The following HMCN2 variants were observed in gnomAD, a reference collection of about 807,000 sequenced individuals.
HMCN2 encodes hemicentin 2.
Under a neutral mutation model 377.5 loss-of-function variants are expected in HMCN2, and 325 were observed. The ratio of observed to expected loss-of-function variants is 0.86; its 90% CI spans 0.79 to 0.94. HMCN2 has a LOEUF of 0.94. Among genes scored for constraint, HMCN2 ranks in the 40% least tolerant of loss-of-function variants. HMCN2 has a pLI of 0.00. For missense variants in HMCN2, 4,543 were observed against 4,725.3 expected (o/e 0.96, Z 1.13); for synonymous variants, 2,007 against 2,046.8 (o/e 0.98, Z 0.53).
rs544007401 is a variant in HMCN2, at chr9:130,364,833, C to T, written c.6352C>T (p.Arg2118Trp). 12 of 986,024 alleles carry T rather than the reference C, an allele frequency of 1.2e-5. No homozygotes were observed. The Middle Eastern group carries it at 1.6e-3, about 129-fold the overall frequency. 61.1% of individuals were successfully genotyped at this position (986,024 alleles called of 1,614,324 possible). ...PPVLSWWKDG[R>W]PLEPRPGVHL... The stretch of plus-strand genomic sequence containing the variant: ...TGTGCTGAGCTGGTGGAAGGACGGG[C>T]GGCCCCTGGAACCACGGCCTGGAGT... Residue 2118 changes from arginine to tryptophan, a missense_variant, in exon 41 of 98, where the codon CGG becomes TGG. Transcript: ENST00000683500.
In HMCN2 at chr9:130,431,439, T is replaced by C; in HGVS notation, c.14720T>C (p.Leu4907Pro). 1 of 1,550,224 alleles carries C rather than the reference T, an allele frequency of 6.5e-7. No homozygotes were observed. Among genetic ancestry groups the C allele is most frequent in the South Asian group, 1.2e-5 (1 of 84,054 alleles). ...AACACTGAGGGCAGCTACCAGTGCC[T>C]GTGCCCCGCCGGCTACCGTCTGCTC... ...CRNTEGSYQCLCPAGYRLLPS... is the reference protein window; with the variant it reads ...CRNTEGSYQCPCPAGYRLLPS... The change falls in exon 96 of 98, where the codon CTG becomes CCG. Residue 4907 changes from leucine (L) to proline (P), a missense_variant. Transcript: ENST00000683500.
rs1554936164 is a variant in HMCN2 at position 130,304,969 on chromosome 9, G to A, written c.1783G>A (p.Val595Ile). Residue 595 changes from valine (V) to isoleucine (I), a missense_variant, in exon 11 of 98, where the codon GTC becomes ATC. Physicochemically the swap from Val to Ile is conservative, Grantham distance 29 (BLOSUM62 3). Coordinates refer to ENST00000683500, the MANE Select transcript of HMCN2 (RefSeq NM_001291815.2). The surrounding 1 kb of genome is among the most constrained non-coding windows in gnomAD (Gnocchi z 4.3). ...YQCVASNANG[V>I]TRASVWLLVR... The stretch of plus-strand genomic sequence containing the variant: ...GTGTGTGGCCAGCAATGCCAATGGG[G>A]TCACAAGGGCATCCGTCTGGCTCCT... The A allele has an allele frequency of 2.1e-6, 1 of 471,072 alleles. No individual in the cohort carries two copies. Among genetic ancestry groups the A allele is most frequent in the Non-Finnish European group, 4.4e-6 (1 of 226,998 alleles). 29.2% of individuals were successfully genotyped at this position (471,072 alleles called of 1,614,324 possible).
At position 130,423,963 on chromosome 9, in the gene HMCN2, T is replaced by C. The variant is rs1807991018; in HGVS notation, c.13382-813T>C. 6.6e-6 allele frequency among the ~76,000 whole-genome samples: 1 copy of C among 151,864 alleles called. No individual in the cohort carries two copies. The highest frequency in any genetic ancestry group is 6.6e-5 in the Admixed American group (1 of 15,228). On this transcript the variant is annotated intron_variant, in intron 87 of 97. Coordinates refer to ENST00000683500, the MANE Select transcript of HMCN2 (RefSeq NM_001291815.2). This position sits in a 1 kb window ranked among gnomAD's most constrained non-coding sequence, Gnocchi z 5.5. The stretch of plus-strand genomic sequence containing the variant: ...TGAACTGAGTTAAATATCAACAAGG[T>C]ACATGCATTTATTTCTTCTTTTTTT...
chr9:130,277,943 T>C (rs1390455733), intron 1 of HMCN2, among the ~76,000 whole-genome samples: 85 of 6,774 alleles, frequency 0.013, 9 homozygotes, highest in East Asian at 0.029. Context: ...ACCACCACCA[T>C]CATCATCATC....
intron 11 of HMCN2, among the ~76,000 whole-genome samples, 180 bp from the exon 12 acceptor site, chr9:130,305,949 G>T (rs528797056): frequency 2.6e-5 from 4 of 152,288 alleles, no homozygotes; most frequent in South Asian, 2.1e-4. Flanking sequence ...CTCAGGGGCC[G>T]CCTGGTCTAC....
intron 86 of HMCN2, among the ~76,000 whole-genome samples, chr9:130,420,695 T>G (rs1162205255): frequency 2.0e-5 from 3 of 152,032 alleles, no homozygotes; most frequent in Non-Finnish European, 4.4e-5. Context: ...ACCTCTGCCT[T>G]CATCTTCCCT....
chr9:130,356,206 G>A lies in HMCN2; in HGVS notation c.5374G>A (p.Ala1792Thr), dbSNP rs772179014. 175 of 1,303,138 alleles carry A rather than the reference G, an allele frequency of 1.3e-4. No homozygotes were observed. Among genetic ancestry groups the A allele is most frequent in the Non-Finnish European group, 1.7e-4 (170 of 988,896 alleles). The allele number at this position is 1,303,138 out of a possible 1,614,324, so 80.7% of individuals were successfully genotyped here. ...LDHSGLFACQ[A>T]TNEAGTAGAE... ...CCACTCAGGCCTCTTCGCCTGCCAGGCCACCAATGAGGCGGGCACTGCCGG... is the reference window on the plus strand; with the variant it reads ...CCACTCAGGCCTCTTCGCCTGCCAGACCACCAATGAGGCGGGCACTGCCGG... Residue 1792 changes from alanine (A) to threonine (T), a missense_variant, in exon 34 of 98, where the codon GCC (alanine) becomes ACC (threonine). Around this residue, in one of 5 missense-constraint regions of HMCN2, gnomAD observed 1,032 missense variants for 1,285.1 expected, o/e 0.80. Coordinates refer to ENST00000683500, the MANE Select transcript of HMCN2 (RefSeq NM_001291815.2).
rs1326374202 is a variant in HMCN2 at position 130,342,333 on chromosome 9, A to G, written c.3743-17A>G. ...TTGGGCCCGAGGTAGGAGTGTGGCC[A>G]TGTTGCCTCCCTACAGAGCCACCAC... On this transcript the variant is annotated splice_polypyrimidine_tract_variant and intron_variant, in intron 24 of 97. Coordinates refer to ENST00000683500, the MANE Select transcript of HMCN2 (RefSeq NM_001291815.2). The G allele has an allele frequency of 2.0e-5, 3 of 152,238 alleles. No homozygotes were observed. The highest frequency in any genetic ancestry group is 6.5e-5 in the Admixed American group (1 of 15,282). The allele number at this position is 152,238 out of a possible 1,614,324, so 9.4% of individuals were successfully genotyped here.
chr9:130,394,091 G>A lies in HMCN2; in HGVS notation c.10501+83G>A, dbSNP rs1842477147. The stretch of plus-strand genomic sequence containing the variant: ...AGGGGCAATGGGAAGGACAGTGAGG[G>A]AGGTGAGTCCCCTGGAGACCTGGGA... On this transcript the variant is annotated intron_variant, in intron 68 of 97. Transcript: ENST00000683500. The surrounding 1 kb of genome is among the most constrained non-coding windows in gnomAD (Gnocchi z 5.1). 2 of 1,158,260 alleles carry A rather than the reference G, an allele frequency of 1.7e-6. No individual in the cohort carries two copies. Among genetic ancestry groups the A allele is most frequent in the South Asian group, 3.1e-5 (2 of 64,140 alleles). 71.7% of individuals were successfully genotyped at this position (1,158,260 alleles called of 1,614,324 possible).
At chr9:130,288,900 G>A (rs1028917085) in intron 4 of HMCN2, among the ~76,000 whole-genome samples, 1 of 152,172 alleles carries the variant, frequency 6.6e-6, no homozygotes, top group East Asian at 1.9e-4. Flanking sequence ...AACAGACAGG[G>A]GATCATGTCA....
At chr9:130,311,378 G>A (rs1416971746) in intron 15 of HMCN2, among the ~76,000 whole-genome samples, 2 of 152,192 alleles carry the variant, frequency 1.3e-5, no homozygotes, top group African/African-American at 4.8e-5. Flanking sequence ...CAGGCTTGGG[G>A]TGCTCTTAGC....
At chr9:130,432,128 C>G (rs949825958) in intron 96 of HMCN2, among the ~76,000 whole-genome samples, 1 of 152,200 alleles carries the variant, frequency 6.6e-6, no homozygotes, top group South Asian at 2.1e-4. Flanking sequence ...TCTGGGTCTT[C>G]GGGCAAAGCA....
At chr9:130,339,799 G>A (rs922840414) in intron 23 of HMCN2, among the ~76,000 whole-genome samples, 8 of 152,224 alleles carry the variant, frequency 5.3e-5, no homozygotes, top group Non-Finnish European at 7.3e-5. Context: ...CCACCCAAGG[G>A]CCAGGATCCC....
At chr9:130,281,129 G>T (rs1428276183) in intron 1 of HMCN2, among the ~76,000 whole-genome samples, 1 of 151,270 alleles carries the variant, frequency 6.6e-6, no homozygotes, top group Non-Finnish European at 1.5e-5. Flanking sequence ...AGGCAGTTGT[G>T]CCCCTTCCCT....
intron 49 of HMCN2, among the ~76,000 whole-genome samples, 152 bp from the exon 50 acceptor site, chr9:130,375,411 G>A (rs780536213): frequency 6.6e-6 from 1 of 152,168 alleles, no homozygotes; most frequent in Non-Finnish European, 1.5e-5. Context: ...TGGCCACCCC[G>A]GGCATGGGCT....
At chr9:130,386,290 G>C (rs1842018557) in intron 60 of HMCN2, among the ~76,000 whole-genome samples, 153 bp from the exon 61 acceptor site, 1 of 152,204 alleles carries the variant, frequency 6.6e-6, no homozygotes, top group Admixed American at 6.5e-5. Context: ...GAAAAGGCCA[G>C]AGCGTCCTGA....
At position 130,319,602 on chromosome 9, in the gene HMCN2, C is replaced by A. The variant is rs963674597; in HGVS notation, c.2458C>A (p.Arg820Ser). ...CCGCCCGCCCCCGACGGTCACCTGG[C>A]GCCGCGGAGATGGCCAGCCTCTGGG... is the stretch of plus-strand genomic sequence containing the variant. ...TGRPPPTVTW[R>S]RGDGQPLGLR... The change falls in exon 16 of 98, where the codon CGC (arginine) becomes AGC (serine). Residue 820 changes from arginine (R) to serine (S), a missense_variant. Transcript: ENST00000683500. 6.6e-6 allele frequency: 1 copy of A among 152,118 alleles called. No individual in the cohort carries two copies. The highest frequency in any genetic ancestry group is 1.5e-5 in the Non-Finnish European group (1 of 68,050). 9.4% of individuals were successfully genotyped at this position (152,118 alleles called of 1,614,324 possible).
In HMCN2 at chr9:130,276,936, G is replaced by A. The variant is rs140100392; in HGVS notation, c.260-7667G>A. 5.9e-5 allele frequency among the ~76,000 whole-genome samples: 9 copies of A among 152,340 alleles called. No individual in the cohort carries two copies. The East Asian group carries it at 1.5e-3, about 26-fold the overall frequency. ...ATCCAGGGCTGGCTCCAAAATTCCA[G>A]CCCCACTTGGAGAGAGAAGCAGGGG... On this transcript the variant is annotated intron_variant, in intron 1 of 97. Coordinates refer to ENST00000683500, the MANE Select transcript of HMCN2 (RefSeq NM_001291815.2).
rs931010627 is a variant in HMCN2, at chr9:130,278,414, G to A, written c.260-6189G>A. 1.3e-4 allele frequency among the ~76,000 whole-genome samples: 19 copies of A among 148,346 alleles called. 1 individual carries two copies. Among genetic ancestry groups the A allele is most frequent in the Non-Finnish European group, 2.5e-4 (17 of 66,690 alleles). The stretch of plus-strand genomic sequence containing the variant: ...GCTGGGATTACAGGCGTGAGCCACC[G>A]CGCCCGGCCGCCATCATTGTTTTTG... On this transcript the variant is annotated intron_variant, in intron 1 of 97. Transcript: ENST00000683500.
Sources: gnomAD v4.1 joint callset for allele counts (sites outside exome capture counted in the v4.1 genomes callset) on GRCh38, gnomAD v4.1.1 for gene constraint, gnomAD v4.1.1 regional missense constraint, Gnocchi (gnomAD v3.1) non-coding constraint, MANE v1.5 for transcripts, NCBI Gene and HGNC (gene_info 2026-07-23, HGNC 2026-07-21) for gene names.